Variants in YLPM1 observed in about 807,000 individuals in gnomAD.
YLPM1 encodes YLP motif-containing protein 1.
YLPM1 carries 99 observed loss-of-function variants against 230.0 expected under a neutral mutation model. The ratio of observed to expected loss-of-function variants is 0.43; its 90% CI spans 0.37 to 0.51. YLPM1 has a LOEUF of 0.51. Ranked by LOEUF, YLPM1 falls within the 20% of genes least tolerant of loss-of-function variation. The pLI is 0.00. For missense variants in YLPM1, 2,592 were observed against 2,707.7 expected (o/e 0.96, Z 0.95); for synonymous variants, 984 against 942.5 (o/e 1.04, Z -0.81).
intron 15 of YLPM1, 97 bp from the exon 16 acceptor site, chr14:74,818,132 CAA>C (rs935571727): frequency 3.8e-6 from 2 of 531,434 alleles, no homozygotes; most frequent in African/African-American, 2.0e-5. Context: ...TAATATTTAA[CAA>C]TATTTTAAAA....
Position 74,797,622 on chromosome 14 carries a change from T to TGAAGGACCGAGACCC in YLPM1, c.2326_2340dup (p.Glu776_Pro780dup). On this transcript the variant is annotated inframe_insertion, in exon 5 of 21. Coordinates refer to ENST00000325680, the MANE Select transcript of YLPM1 (RefSeq NM_019589.3). Reference sequence around the variant, plus strand: ...GATTTGAGGATTTAGGGTCAAGGTGTGAAGGACCGAGACCCAAAGGGCCTC... The same window carrying TGAAGGACCGAGACCC: ...GATTTGAGGATTTAGGGTCAAGGTGTGAAGGACCGAGACCCGAAGGACCGAGACCCAAAGGGCCTC... 6.5e-7 allele frequency: 1 copy of TGAAGGACCGAGACCC among 1,535,500 alleles called. No homozygotes were observed. The highest frequency in any genetic ancestry group is 8.7e-7 in the Non-Finnish European group (1 of 1,143,130).
intron 4 of YLPM1, among the ~76,000 whole-genome samples, chr14:74,795,659 C>G (rs951168485): frequency 6.6e-6 from 1 of 152,180 alleles, no homozygotes; most frequent in African/African-American, 2.4e-5. Flanking sequence ...CTTCACTTAC[C>G]CAAATTGTAA....
At chr14:74,805,123 G>A (rs1025161345) in intron 6 of YLPM1, among the ~76,000 whole-genome samples, 7 of 151,058 alleles carry the variant, frequency 4.6e-5, no homozygotes, top group Non-Finnish European at 1.0e-4. Context: ...GGGTTTAAGC[G>A]ATTCTCCTGC....
chr14:74,810,252 A>T lies in YLPM1; in HGVS notation c.5060A>T (p.Asp1687Val), dbSNP rs779777268. ...TEHAGQRDRY[D>V]RERDREPYFD... ...CATGCAGGCCAACGTGATCGTTATG[A>T]TAGAGAAAGAGATCGTGAGCCTTAT... Residue 1687 changes from aspartate to valine, a missense_variant, in exon 9 of 21, where the codon GAT (aspartate) becomes GTT (valine). Coordinates refer to ENST00000325680, the MANE Select transcript of YLPM1 (RefSeq NM_019589.3). 1.2e-6 allele frequency: 2 copies of T among 1,613,864 alleles called. No homozygotes were observed. Among genetic ancestry groups the T allele is most frequent in the Admixed American group, 3.3e-5 (2 of 60,014 alleles).
chr14:74,778,986 A>G (rs1407398094), intron 2 of YLPM1, among the ~76,000 whole-genome samples: 1 of 152,068 alleles, frequency 6.6e-6, no homozygotes, highest in Non-Finnish European at 1.5e-5. Context: ...GATGACAGGC[A>G]TGCACCACCA....
rs1199462002 is a variant in YLPM1 at position 74,810,365 on chromosome 14, GTTA to G, written c.5176_5178del (p.Ile1726del). On this transcript the variant is annotated inframe_deletion, in exon 9 of 21. Transcript: ENST00000325680. ...TAGAGATCGAGACCGGGATCGTGGT[GTTA>G]TTGACTATGACCGGGATCGATTTGA... The G allele has an allele frequency of 6.2e-7, 1 of 1,613,842 alleles. No individual in the cohort carries two copies. The highest frequency in any genetic ancestry group is 1.3e-5 in the African/African-American group (1 of 74,978).
rs144134953 is a variant in YLPM1, at chr14:74,802,533, A to G, written c.4401-23A>G. 3.2e-3 allele frequency: 5,203 copies of G among 1,604,914 alleles called. 23 individuals carry two copies. The highest frequency in any genetic ancestry group is 3.9e-3 in the Non-Finnish European group (4,591 of 1,176,916). ...ATGGAATAAGCATGCTTTATGTACTATGTCAATTTTATTTGTTTGCAGGGA... is the reference window on the plus strand; with the variant it reads ...ATGGAATAAGCATGCTTTATGTACTGTGTCAATTTTATTTGTTTGCAGGGA... On this transcript the variant is annotated intron_variant, in intron 5 of 20. Coordinates refer to ENST00000325680, the MANE Select transcript of YLPM1 (RefSeq NM_019589.3).
chr14:74,798,551 G>C lies in YLPM1; in HGVS notation c.3254G>C (p.Arg1085Thr), dbSNP rs1340410976. 6.2e-7 allele frequency: 1 copy of C among 1,613,944 alleles called. No individual in the cohort carries two copies. Among genetic ancestry groups the C allele is most frequent in the African/African-American group, 1.3e-5 (1 of 75,044 alleles). Residue 1085 changes from arginine to threonine, a missense_variant, in exon 5 of 21, where the codon AGG becomes ACG. Physicochemically the swap from Arg to Thr is moderately conservative, Grantham distance 71. Coordinates refer to ENST00000325680, the MANE Select transcript of YLPM1 (RefSeq NM_019589.3). ...GEGSRDRGLV[R>T]PGSSREKVPG... ...GGTAGCCGGGACAGAGGGTTGGTGA[G>C]GCCTGGAAGCAGTCGGGAGAAAGTG...
At chr14:74,803,812 A>G (rs1408873767) in intron 6 of YLPM1, among the ~76,000 whole-genome samples, 1 of 152,174 alleles carries the variant, frequency 6.6e-6, no homozygotes, top group African/African-American at 2.4e-5. Context: ...AAGTATAATT[A>G]CACCCATTTT....
chr14:74,818,268 T>TG lies in YLPM1; in HGVS notation c.5985dup (p.Arg1996AlafsTer14). On this transcript the variant is annotated frameshift_variant, in exon 16 of 21. Transcript: ENST00000325680. LOFTEE classifies it high-confidence loss of function. Reference sequence around the variant, plus strand: ...TGGGAAACTGCACCTCGTCACATGATGCGTCTAGATATTCGTTCTTTGCTG... The same window carrying TG: ...TGGGAAACTGCACCTCGTCACATGATGGCGTCTAGATATTCGTTCTTTGCTG... 1 of 1,605,872 alleles carries TG rather than the reference T, an allele frequency of 6.2e-7. No homozygotes were observed. Among genetic ancestry groups the TG allele is most frequent in the Non-Finnish European group, 8.5e-7 (1 of 1,176,360 alleles).
intron 5 of YLPM1, among the ~76,000 whole-genome samples, chr14:74,802,068 A>G (rs1423607632): frequency 6.6e-6 from 1 of 151,906 alleles, no homozygotes; most frequent in Non-Finnish European, 1.5e-5. Context: ...AATACAAATA[A>G]TTAGCCGGGC....
intron 17 of YLPM1, 25 bp downstream of exon 17, chr14:74,821,162 A>G: frequency 6.5e-7 from 1 of 1,529,386 alleles, no homozygotes; most frequent in Non-Finnish European, 8.8e-7. Context: ...AACCACTTTG[A>G]ACAGTGTCTC....
At chr14:74,780,657 T>A (rs2091083553) in intron 3 of YLPM1, 73 bp downstream of exon 3, 1 of 1,502,358 alleles carries the variant, frequency 6.7e-7, no homozygotes, top group African/African-American at 1.4e-5. Flanking sequence ...TTGAAAGATT[T>A]AAGTGTAAAA....
intron 1 of YLPM1, among the ~76,000 whole-genome samples, chr14:74,771,146 A>T (rs191207635): frequency 3.3e-5 from 5 of 152,290 alleles, no homozygotes; most frequent in Non-Finnish European, 7.4e-5. Flanking sequence ...GGGGGTGAGG[A>T]GAAAATCATG....
In YLPM1 at chr14:74,809,408, C is replaced by A; in HGVS notation, c.4550C>A (p.Pro1517His). The A allele has an allele frequency of 6.2e-6, 10 of 1,609,260 alleles. No individual in the cohort carries two copies. Among genetic ancestry groups the A allele is most frequent in the African/African-American group, 5.3e-5 (4 of 74,992 alleles). ...CCAGGGTCGTATAGACCTCCCCCTC[C>A]TATGGGCAAACCACCAGGTTCAATT... ...PPPGSYRPPP[P>H]MGKPPGSIVR... The change falls in exon 7 of 21, where the codon CCT becomes CAT. Residue 1517 changes from proline to histidine, a missense_variant. By Grantham distance (77) the Pro-to-His change is moderately conservative. Transcript: ENST00000325680.
Position 74,835,952 on chromosome 14 carries a change from T to C in YLPM1, c.*214T>C. Reference sequence around the variant, plus strand: ...ACCCAAGCAAGACGTTAATTTTTCTTTTAACTGTTTTGGGGAGGGAGGGAG... The same window carrying C: ...ACCCAAGCAAGACGTTAATTTTTCTCTTAACTGTTTTGGGGAGGGAGGGAG... On this transcript the variant is annotated 3_prime_UTR_variant, in exon 21 of 21. Transcript: ENST00000325680. 2.2e-6 allele frequency: 1 copy of C among 449,482 alleles called. No homozygotes were observed. The highest frequency in any genetic ancestry group is 4.4e-6 in the Non-Finnish European group (1 of 224,778). The allele number at this position is 449,482 out of a possible 1,614,324, so 27.8% of individuals were successfully genotyped here. A position where few individuals can be genotyped will look rare whatever the true frequency, so the allele number is the denominator to read the frequency against.
At chr14:74,786,169 C>G (rs914912583) in intron 4 of YLPM1, among the ~76,000 whole-genome samples, 4 of 151,848 alleles carry the variant, frequency 2.6e-5, no homozygotes, top group African/African-American at 4.8e-5. Context: ...CGAGACCAGC[C>G]TGGTCAATAT....
At chr14:74,772,457 C>T (rs1427267943) in intron 1 of YLPM1, among the ~76,000 whole-genome samples, 2 of 151,578 alleles carry the variant, frequency 1.3e-5, no homozygotes, top group Non-Finnish European at 2.9e-5. Flanking sequence ...CTCCCAGGTT[C>T]AAGCGATTCT....
chr14:74,830,326 TTAGA>T (rs763157402), intron 19 of YLPM1, among the ~76,000 whole-genome samples: 11 of 152,204 alleles, frequency 7.2e-5, no homozygotes, highest in Non-Finnish European at 1.0e-4. Flanking sequence ...AGCTAGGATA[TTAGA>T]TAGGTCTTTA....
Sources: allele counts gnomAD v4.1 joint callset (sites outside exome capture counted in the v4.1 genomes callset), GRCh38; gene constraint gnomAD v4.1.1; transcripts MANE v1.5; gene names NCBI Gene and HGNC (gene_info 2026-07-23, HGNC 2026-07-21).